RALGPS1: variants seen among roughly 807,000 people sequenced by gnomAD.
RALGPS1 encodes the protein ras-specific guanine nucleotide-releasing factor RalGPS1.
RALGPS1 carries 19 observed loss-of-function variants against 78.8 expected under a neutral mutation model. The observed-to-expected ratio is 0.24, with a 90% CI of 0.17 to 0.35. RALGPS1 has a LOEUF of 0.35. RALGPS1 is among the 10% of genes least tolerant of loss of function. The pLI is 1.00. For synonymous variants in RALGPS1, 228 were observed against 256.3 expected (o/e 0.89, Z 1.06); for missense variants, 454 against 688.3 (o/e 0.66, Z 3.81).
chr9:127,202,037 C>T (rs2140806295), intron 14 of RALGPS1, among the ~76,000 whole-genome samples: 1 of 152,302 alleles, frequency 6.6e-6, no homozygotes, highest in East Asian at 1.9e-4. Context: ...CAGCATTTCG[C>T]CCCACAGCTC....
chr9:127,079,405 C>T (rs1288824468), intron 8 of RALGPS1, among the ~76,000 whole-genome samples: 4 of 152,194 alleles, frequency 2.6e-5, no homozygotes, highest in Non-Finnish European at 5.9e-5. Context: ...AGATGGCCCC[C>T]GATGATTTCT....
chr9:127,038,310 A>G (rs1180894994), intron 5 of RALGPS1, among the ~76,000 whole-genome samples: 1 of 152,224 alleles, frequency 6.6e-6, no homozygotes. Context: ...GATATTTTAC[A>G]CTCATTTCAT....
At position 127,183,205 on chromosome 9, in the gene RALGPS1, A is replaced by G. The variant is rs968963203; in HGVS notation, c.910+8423A>G. On this transcript the variant is annotated intron_variant, in intron 11 of 18. Coordinates refer to ENST00000259351, the MANE Select transcript of RALGPS1 (RefSeq NM_014636.3). This position sits in a 1 kb window ranked among gnomAD's most constrained non-coding sequence, Gnocchi z 4.0. ...CTCCAACACTGGGAATCACATTTCA[A>G]CATGACATTTGGAGGGGCAAACCAT... Among the ~76,000 whole-genome samples, 1 of 152,188 alleles carries G rather than the reference A, an allele frequency of 6.6e-6. No individual in the cohort carries two copies. Among genetic ancestry groups the G allele is most frequent in the African/African-American group, 2.4e-5 (1 of 41,446 alleles).
chr9:127,004,306 C>T (rs879368792), intron 4 of RALGPS1, among the ~76,000 whole-genome samples: 1 of 152,262 alleles, frequency 6.6e-6, no homozygotes, highest in Non-Finnish European at 1.5e-5. Flanking sequence ...CCACCACACC[C>T]GGCCAATTTT....
At position 127,212,060 on chromosome 9, in the gene RALGPS1, TC is replaced by T; in HGVS notation, c.1248-67del. 8.8e-6 allele frequency: 11 copies of T among 1,248,608 alleles called. No homozygotes were observed. The highest frequency in any genetic ancestry group is 1.2e-5 in the Non-Finnish European group (11 of 890,262). The allele number at this position is 1,248,608 out of a possible 1,614,324, so 77.3% of individuals were successfully genotyped here. A position where few individuals can be genotyped will look rare whatever the true frequency, so the allele number is the denominator to read the frequency against. On this transcript the variant is annotated intron_variant, in intron 14 of 18. Coordinates refer to ENST00000259351, the MANE Select transcript of RALGPS1 (RefSeq NM_014636.3). This position sits in a 1 kb window ranked among gnomAD's most constrained non-coding sequence, Gnocchi z 6.0. Reference sequence around the variant, plus strand: ...GGACTTGGTAGTGGGGCACCTGTGGTCCCCAGTGAGTGAGAGGGTGCTTGAC... The same window carrying T: ...GGACTTGGTAGTGGGGCACCTGTGGTCCCAGTGAGTGAGAGGGTGCTTGAC...
At chr9:127,204,361 G>T (rs1173721811) in intron 14 of RALGPS1, among the ~76,000 whole-genome samples, 1 of 152,094 alleles carries the variant, frequency 6.6e-6, no homozygotes, top group Non-Finnish European at 1.5e-5. Context: ...CAGTAGAGAT[G>T]GGGGCCACCC....
intron 8 of RALGPS1, among the ~76,000 whole-genome samples, chr9:127,080,666 C>T (rs2051090035): frequency 6.6e-6 from 1 of 152,198 alleles, no homozygotes; most frequent in East Asian, 1.9e-4. Context: ...TGTTGGATAT[C>T]GCCTGGATGA....
chr9:127,200,121 C>T (rs2061556306), intron 14 of RALGPS1, among the ~76,000 whole-genome samples: 1 of 152,274 alleles, frequency 6.6e-6, no homozygotes, highest in South Asian at 2.1e-4. Flanking sequence ...TACCCTCTCA[C>T]ACATTTGTGT....
chr9:127,173,725 T>G (rs1362671467), intron 10 of RALGPS1, among the ~76,000 whole-genome samples: 2 of 152,140 alleles, frequency 1.3e-5, no homozygotes, highest in Non-Finnish European at 2.9e-5. Context: ...AACACTCCAG[T>G]TGAGAGGCCA....
At chr9:127,178,055 G>T in intron 11 of RALGPS1, 2 of 1,457,796 alleles carry the variant, frequency 1.4e-6, no homozygotes, top group South Asian at 2.4e-5. Context: ...GTCCTGGGGA[G>T]GGTGGAGCCC....
intron 1 of RALGPS1, among the ~76,000 whole-genome samples, chr9:126,940,871 G>C (rs888338987): frequency 6.6e-6 from 1 of 152,168 alleles, no homozygotes; most frequent in Non-Finnish European, 1.5e-5. Context: ...CCTTGTCTGT[G>C]TAAGTTCATT....
intron 4 of RALGPS1, among the ~76,000 whole-genome samples, chr9:126,986,998 G>A (rs2041861871): frequency 6.6e-6 from 1 of 152,206 alleles, no homozygotes; most frequent in African/African-American, 2.4e-5. Flanking sequence ...GTCATGCGTG[G>A]CTATCATTTC....
At position 127,024,399 on chromosome 9, in the gene RALGPS1, C is replaced by T. The variant is rs139315585; in HGVS notation, c.217-10032C>T. Among the ~76,000 whole-genome samples the T allele has an allele frequency of 2.0e-4, 30 of 150,246 alleles. No individual in the cohort carries two copies. The East Asian group carries it at 5.7e-3, about 28-fold the overall frequency. ...CCAAAGCCTGAATTTCTTGTTTCAC[C>T]AGCTTTGTGTGGTATCTTGTGACCG... On this transcript the variant is annotated intron_variant, in intron 4 of 18. Transcript: ENST00000259351.
At chr9:127,165,570 G>A (rs2059254353) in intron 8 of RALGPS1, among the ~76,000 whole-genome samples, 1 of 152,128 alleles carries the variant, frequency 6.6e-6, no homozygotes, top group Non-Finnish European at 1.5e-5. Context: ...TGTACTGAGA[G>A]CTGTTGCTTT....
At position 126,914,821 on chromosome 9, in the gene RALGPS1, G is replaced by A. The variant is rs1468058735; in HGVS notation, c.-220G>A. On this transcript the variant is annotated 5_prime_UTR_variant, in exon 1 of 19. Coordinates refer to ENST00000259351, the MANE Select transcript of RALGPS1 (RefSeq NM_014636.3). The stretch of plus-strand genomic sequence containing the variant: ...ACGGTTCCTACTGCGGCTGGGCACC[G>A]GCTCCGCTCCCGCGTCTGCCCGCGC... 6.6e-6 allele frequency: 1 copy of A among 152,228 alleles called. No homozygotes were observed. The highest frequency in any genetic ancestry group is 1.5e-5 in the Non-Finnish European group (1 of 68,078). 9.4% of individuals were successfully genotyped at this position (152,228 alleles called of 1,614,324 possible).
At chr9:127,146,610 C>T (rs1389144256) in intron 8 of RALGPS1, among the ~76,000 whole-genome samples, 2 of 148,224 alleles carry the variant, frequency 1.3e-5, no homozygotes, top group Non-Finnish European at 3.0e-5. Context: ...GTGGTGCAAT[C>T]TCAGCTCACT....
intron 8 of RALGPS1, among the ~76,000 whole-genome samples, chr9:127,118,938 G>T (rs1589592120): frequency 6.6e-6 from 1 of 152,218 alleles, no homozygotes. Flanking sequence ...GTGGCCCAGT[G>T]TGGGTGATGA....
At chr9:127,210,223 T>G (rs1395066512) in intron 14 of RALGPS1, among the ~76,000 whole-genome samples, 1 of 152,206 alleles carries the variant, frequency 6.6e-6, no homozygotes, top group Non-Finnish European at 1.5e-5. Context: ...CAGAGGAGAC[T>G]GTCCAGTCGA....
intron 1 of RALGPS1, among the ~76,000 whole-genome samples, chr9:126,929,343 C>G (rs2035589242): frequency 6.6e-6 from 1 of 152,194 alleles, no homozygotes; most frequent in South Asian, 2.1e-4. Context: ...TAAGTATGAT[C>G]AAAGTAGTCT....
Sources: allele counts gnomAD v4.1 joint callset (sites outside exome capture counted in the v4.1 genomes callset), GRCh38; gene constraint gnomAD v4.1.1; non-coding constraint Gnocchi (gnomAD v3.1); transcripts MANE v1.5; gene names NCBI Gene and HGNC (gene_info 2026-07-23, HGNC 2026-07-21).